GAP43: variants seen among roughly 807,000 people sequenced by gnomAD.
GAP43 encodes growth associated protein 43.
GAP43 carries 6 observed loss-of-function variants against 18.6 expected under a neutral mutation model. That is an observed-to-expected ratio of 0.32 (90% CI 0.18 to 0.64). GAP43 has a LOEUF of 0.64. Among genes scored for constraint, GAP43 ranks in the 30% least tolerant of loss-of-function variants. The pLI is 0.78. For missense variants in GAP43, 292 were observed against 295.5 expected (o/e 0.99, Z 0.09); for synonymous variants, 115 against 111.4 (o/e 1.03, Z -0.20).
intron 1 of GAP43, among the ~76,000 whole-genome samples, chr3:115,632,191 C>A (rs2107465624): frequency 6.6e-6 from 1 of 152,104 alleles, no homozygotes; most frequent in South Asian, 2.1e-4. Flanking sequence ...AAACTGGGTT[C>A]TCAGCACTAA....
chr3:115,684,134 CT>C (rs1406576512), intron 2 of GAP43, among the ~76,000 whole-genome samples: 1 of 152,026 alleles, frequency 6.6e-6, no homozygotes, highest in Non-Finnish European at 1.5e-5. Context: ...GGCTTTTTGC[CT>C]TTCTTTGTAA....
chr3:115,651,828 T>C (rs1708521970), intron 1 of GAP43, among the ~76,000 whole-genome samples: 1 of 152,128 alleles, frequency 6.6e-6, no homozygotes, highest in Admixed American at 6.6e-5. Flanking sequence ...CATTTTCGCA[T>C]TGACTGTGCT....
rs1339564752 is a variant in GAP43, at chr3:115,702,573, T to G, written c.629-18221T>G. Among the ~76,000 whole-genome samples the G allele has an allele frequency of 4.1e-4, 62 of 152,152 alleles. 1 individual carries two copies. The highest frequency in any genetic ancestry group is 1.8e-4 in the Non-Finnish European group (12 of 68,010). ...GTTAAGGAGATGATTTTACTTAATC[T>G]GTTGCAAGAGACTCCAGATCTCAAG... On this transcript the variant is annotated intron_variant, in intron 2 of 2. Coordinates refer to ENST00000305124, the MANE Select transcript of GAP43 (RefSeq NM_002045.4).
Position 115,650,021 on chromosome 3 carries a change from G to C in GAP43, c.31-25992G>C, listed in dbSNP as rs141381190. On this transcript the variant is annotated intron_variant, in intron 1 of 2. Transcript: ENST00000305124. ...AGTGTTCTATGGATCACCTGACATA[G>C]TGTCACCTGGAGAAGGTTTTTAAAA... Among the ~76,000 whole-genome samples, 168 of 152,240 alleles carry C rather than the reference G, an allele frequency of 1.1e-3. 1 individual carries two copies. The highest frequency in any genetic ancestry group is 3.9e-3 in the African/African-American group (162 of 41,552).
intron 2 of GAP43, among the ~76,000 whole-genome samples, chr3:115,683,123 G>T (rs1708976994): frequency 2.7e-5 from 1 of 37,262 alleles, no homozygotes; most frequent in Non-Finnish European, 8.7e-5. Context: ...CTACATACAT[G>T]TGCGCGCGCG....
At chr3:115,714,203 T>A (rs921949959) in intron 2 of GAP43, among the ~76,000 whole-genome samples, 1 of 152,228 alleles carries the variant, frequency 6.6e-6, no homozygotes, top group East Asian at 1.9e-4. Flanking sequence ...AAACATTTTC[T>A]TTCTTCCCTT....
intron 1 of GAP43, among the ~76,000 whole-genome samples, chr3:115,663,041 C>A (rs1378493659): frequency 6.6e-6 from 1 of 152,142 alleles, no homozygotes; most frequent in African/African-American, 2.4e-5. Flanking sequence ...TTTCTCCCTG[C>A]AGAACCACAA....
intron 1 of GAP43, among the ~76,000 whole-genome samples, chr3:115,672,297 G>A (rs537486927): frequency 9.2e-5 from 14 of 152,186 alleles, no homozygotes; most frequent in African/African-American, 3.4e-4. Context: ...TGAGTAGTCT[G>A]GTTTCTCTGG....
At chr3:115,625,794 G>A (rs1006104947) in intron 1 of GAP43, among the ~76,000 whole-genome samples, 3 of 152,130 alleles carry the variant, frequency 2.0e-5, no homozygotes, top group Admixed American at 6.5e-5. Flanking sequence ...TGTGTTTAGA[G>A]TTGTAGAAAT....
chr3:115,630,525 G>T (rs1559787545), intron 1 of GAP43, among the ~76,000 whole-genome samples: 1 of 152,156 alleles, frequency 6.6e-6, no homozygotes, highest in Non-Finnish European at 1.5e-5. Context: ...TGTTTTCCAT[G>T]AAAACACTCT....
intron 2 of GAP43, among the ~76,000 whole-genome samples, chr3:115,677,524 A>G (rs1386028920): frequency 6.6e-6 from 1 of 152,148 alleles, no homozygotes; most frequent in Non-Finnish European, 1.5e-5. Context: ...TGGAGACTAG[A>G]TCCTTCCCTC....
intron 2 of GAP43, among the ~76,000 whole-genome samples, chr3:115,698,123 TTA>T (rs1487716268): frequency 1.6e-3 from 16 of 10,060 alleles, no homozygotes; most frequent in African/African-American, 1.9e-3. Context: ...ATAATATATA[TTA>T]TATATAATAT....
chr3:115,660,612 CTT>C (rs1371379495), intron 1 of GAP43, among the ~76,000 whole-genome samples: 1 of 152,210 alleles, frequency 6.6e-6, no homozygotes, highest in Non-Finnish European at 1.5e-5. Context: ...CTGTCTGAAA[CTT>C]TTCATTTAAA....
intron 1 of GAP43, among the ~76,000 whole-genome samples, chr3:115,624,223 T>A (rs902047124): frequency 6.6e-6 from 1 of 152,204 alleles, no homozygotes; most frequent in Admixed American, 6.5e-5. Flanking sequence ...GGGGCGCAGG[T>A]ATTTATGGAA....
chr3:115,712,614 C>A (rs1218910385), intron 2 of GAP43, among the ~76,000 whole-genome samples: 2 of 152,162 alleles, frequency 1.3e-5, no homozygotes, highest in Non-Finnish European at 2.9e-5. Flanking sequence ...AAACTCCAAA[C>A]AACCCACGAT....
At chr3:115,689,426 T>A (rs1709076132) in intron 2 of GAP43, among the ~76,000 whole-genome samples, 1 of 152,196 alleles carries the variant, frequency 6.6e-6, no homozygotes, top group Non-Finnish European at 1.5e-5. Context: ...ATGGAGAGAT[T>A]TCTTTTCATA....
At chr3:115,706,017 A>G (rs1709358804) in intron 2 of GAP43, among the ~76,000 whole-genome samples, 1 of 152,114 alleles carries the variant, frequency 6.6e-6, no homozygotes, top group African/African-American at 2.4e-5. Flanking sequence ...CTTATTCTTC[A>G]AAGTCTGCTG....
intron 1 of GAP43, among the ~76,000 whole-genome samples, chr3:115,645,193 A>C (rs1225325369): frequency 6.6e-6 from 1 of 152,048 alleles, no homozygotes; most frequent in Admixed American, 6.6e-5. Flanking sequence ...TATAGGGTAA[A>C]TATATGAATC....
At chr3:115,624,480 G>T (rs1708159583) in intron 1 of GAP43, among the ~76,000 whole-genome samples, 1 of 152,014 alleles carries the variant, frequency 6.6e-6, no homozygotes, top group African/African-American at 2.4e-5. Flanking sequence ...GGTATTACCT[G>T]TTGGAAACCA....
Sources: allele counts gnomAD v4.1 joint callset (sites outside exome capture counted in the v4.1 genomes callset), GRCh38; gene constraint gnomAD v4.1.1; transcripts MANE v1.5; gene names NCBI Gene and HGNC (gene_info 2026-07-23, HGNC 2026-07-21).